Variants in RAI14 observed in about 807,000 individuals in gnomAD.
The protein encoded by RAI14 is ankycorbin.
In RAI14, 45 loss-of-function variants were observed where a neutral mutation model predicts 115.4. That is an observed-to-expected ratio of 0.39 (90% CI 0.31 to 0.50). The LOEUF (loss-of-function observed/expected upper bound fraction) is 0.50. RAI14 is among the 20% of genes least tolerant of loss of function. The probability of loss-of-function intolerance (pLI) is 0.85; values close to 1 mark genes in which losing one functional copy is unlikely to be tolerated. For missense variants in RAI14, 939 were observed against 1,131.2 expected (o/e 0.83, Z 2.44); for synonymous variants, 371 against 415.4 (o/e 0.89, Z 1.30).
At chr5:34,778,548 G>A (rs985882373) in intron 3 of RAI14, among the ~76,000 whole-genome samples, 1 of 152,098 alleles carries the variant, frequency 6.6e-6, no homozygotes, top group Non-Finnish European at 1.5e-5. Flanking sequence ...CTGTCACTGG[G>A]CTTGAGTTAG....
chr5:34,814,975 A>G (rs189629233), intron 12 of RAI14, among the ~76,000 whole-genome samples: 1 of 152,284 alleles, frequency 6.6e-6, no homozygotes, highest in East Asian at 1.9e-4. Context: ...GGCTGGGTGC[A>G]GTGGCTCACA....
Position 34,681,766 on chromosome 5 carries a change from T to A in RAI14, c.-48-5106T>A, listed in dbSNP as rs530594769. 2.0e-5 allele frequency among the ~76,000 whole-genome samples: 3 copies of A among 152,170 alleles called. 1 individual carries two copies. The highest frequency in any genetic ancestry group is 7.2e-5 in the African/African-American group (3 of 41,526). On this transcript the variant is annotated intron_variant, in intron 1 of 17. Coordinates refer to ENST00000265109, the MANE Select transcript of RAI14 (RefSeq NM_015577.3). ...TTTCCACCTCAGCCTCCCAAAATGT[T>A]GGGATTACAGATGTGAGTTGCTGTG...
Position 34,742,075 on chromosome 5 carries a change from A to G in RAI14, c.37-15393A>G, listed in dbSNP as rs1745584501. Among the ~76,000 whole-genome samples, 5 of 152,316 alleles carry G rather than the reference A, an allele frequency of 3.3e-5. No individual in the cohort carries two copies. In the South Asian group the frequency reaches 1.0e-3, roughly 32 times the overall value. Reference sequence around the variant, plus strand: ...TGGAAAAGAAGTCAATGCCAGGGAAACGAGAGACGTGGCGCTGACAGTCTT... The same window carrying G: ...TGGAAAAGAAGTCAATGCCAGGGAAGCGAGAGACGTGGCGCTGACAGTCTT... On this transcript the variant is annotated intron_variant, in intron 2 of 17. Coordinates refer to ENST00000265109, the MANE Select transcript of RAI14 (RefSeq NM_015577.3).
intron 2 of RAI14, among the ~76,000 whole-genome samples, chr5:34,692,077 A>G (rs928620994): frequency 6.6e-6 from 1 of 152,188 alleles, no homozygotes; most frequent in African/African-American, 2.4e-5. Context: ...AGCCTGGCCA[A>G]CATGGCAAAA....
chr5:34,689,226 A>T (rs1738256792), intron 2 of RAI14, among the ~76,000 whole-genome samples: 8 of 151,860 alleles, frequency 5.3e-5, no homozygotes, highest in Admixed American at 5.2e-4. Flanking sequence ...AAACATGGTA[A>T]AACCCCATCT....
intron 12 of RAI14, among the ~76,000 whole-genome samples, chr5:34,816,620 A>G (rs6451171): frequency 0.11 from 16,074 of 152,130 alleles, 1,494 homozygotes; most frequent in African/African-American, 0.25. Context: ...AAATTTCGAT[A>G]TTTTATATTT....
chr5:34,818,871 G>A lies in RAI14; in HGVS notation c.994+20G>A. The A allele has an allele frequency of 3.5e-6, 5 of 1,437,358 alleles. No homozygotes were observed. Among genetic ancestry groups the A allele is most frequent in the African/African-American group, 1.5e-5 (1 of 66,976 alleles). 89.0% of individuals were successfully genotyped at this position (1,437,358 alleles called of 1,614,324 possible). On this transcript the variant is annotated intron_variant, in intron 13 of 17. Transcript: ENST00000265109. ...CTACAGGTAAGACAAGGAAGCATCTGTTTTTTTTTTTCCTTCAACCAAACT... is the reference window on the plus strand; with the variant it reads ...CTACAGGTAAGACAAGGAAGCATCTATTTTTTTTTTTCCTTCAACCAAACT...
At chr5:34,717,735 TC>T (rs1223732804) in intron 2 of RAI14, among the ~76,000 whole-genome samples, 2 of 151,892 alleles carry the variant, frequency 1.3e-5, no homozygotes, top group African/African-American at 4.8e-5. Flanking sequence ...TTGCTCCACA[TC>T]CCCTGTGAAT....
intron 2 of RAI14, among the ~76,000 whole-genome samples, chr5:34,752,737 G>GTATA (rs1188674461): frequency 0.057 from 5,714 of 100,740 alleles, 441 homozygotes; most frequent in Non-Finnish European, 0.078. Flanking sequence ...GTGTGTGTGT[G>GTATA]TGTGTGTGTG....
chr5:34,745,903 C>A (rs1293801214), intron 2 of RAI14, among the ~76,000 whole-genome samples: 2 of 152,136 alleles, frequency 1.3e-5, no homozygotes, highest in Admixed American at 1.3e-4. Context: ...AGGTAAAAGC[C>A]ATAAAACACC....
intron 2 of RAI14, among the ~76,000 whole-genome samples, chr5:34,736,708 G>A (rs1744926116): frequency 6.6e-6 from 1 of 152,170 alleles, no homozygotes; most frequent in South Asian, 2.1e-4. Context: ...CAGCCAGAAT[G>A]TGGGTTTGAA....
At chr5:34,702,353 G>C (rs181836330) in intron 2 of RAI14, among the ~76,000 whole-genome samples, 6 of 152,126 alleles carry the variant, frequency 3.9e-5, no homozygotes, top group African/African-American at 1.4e-4. Flanking sequence ...TGTGGTATGC[G>C]CTTGTATTCC....
rs549042497 is a variant in RAI14, at chr5:34,696,229, C to T, written c.36+9274C>T. Among the ~76,000 whole-genome samples, 11 of 152,246 alleles carry T rather than the reference C, an allele frequency of 7.2e-5. No homozygotes were observed. In the South Asian group the frequency reaches 2.3e-3, roughly 32 times the overall value. ...TCTTGGCTCACTGCAACCTCCGCCT[C>T]CCGGGTTTCTGCCGTTCTCCTGCCT... On this transcript the variant is annotated intron_variant, in intron 2 of 17. Coordinates refer to ENST00000265109, the MANE Select transcript of RAI14 (RefSeq NM_015577.3).
intron 1 of RAI14, among the ~76,000 whole-genome samples, chr5:34,676,634 G>A (rs997434332): frequency 4.6e-5 from 7 of 152,162 alleles, no homozygotes; most frequent in African/African-American, 1.7e-4. Context: ...AGTCAGTGCC[G>A]CTGGCTCTGG....
At chr5:34,704,378 C>A (rs1740429079) in intron 2 of RAI14, among the ~76,000 whole-genome samples, 1 of 152,212 alleles carries the variant, frequency 6.6e-6, no homozygotes, top group African/African-American at 2.4e-5. Flanking sequence ...TCCAGATAGT[C>A]AGTATCCTTA....
At chr5:34,676,807 A>G (rs934926189) in intron 1 of RAI14, among the ~76,000 whole-genome samples, 2 of 152,192 alleles carry the variant, frequency 1.3e-5, no homozygotes, top group African/African-American at 4.8e-5. Context: ...GATCATTATG[A>G]TACAGTATCT....
intron 16 of RAI14, among the ~76,000 whole-genome samples, chr5:34,828,860 C>T (rs895291730): frequency 6.6e-6 from 1 of 152,104 alleles, no homozygotes; most frequent in Non-Finnish European, 1.5e-5. Flanking sequence ...TAATTGAGCT[C>T]CCCAAGGATT....
intron 3 of RAI14, among the ~76,000 whole-genome samples, chr5:34,781,881 CA>C (rs1580240603): frequency 6.6e-6 from 1 of 152,188 alleles, no homozygotes; most frequent in African/African-American, 2.4e-5. Flanking sequence ...AGGGGTCTCA[CA>C]GCCTTCAGAG....
At chr5:34,780,434 T>C (rs963574929) in intron 3 of RAI14, among the ~76,000 whole-genome samples, 1 of 151,954 alleles carries the variant, frequency 6.6e-6, no homozygotes, top group Non-Finnish European at 1.5e-5. Context: ...AGTGAACAGG[T>C]AACCTACAGA....
Sources: gnomAD v4.1 joint callset for allele counts (sites outside exome capture counted in the v4.1 genomes callset) on GRCh38, gnomAD v4.1.1 for gene constraint, MANE v1.5 for transcripts, NCBI Gene and HGNC (gene_info 2026-07-23, HGNC 2026-07-21) for gene names.